MYT1L: variants seen among roughly 807,000 people sequenced by gnomAD.
The protein encoded by MYT1L is myelin transcription factor 1-like protein.
A neutral mutation model predicts 126.7 loss-of-function variants in MYT1L; 12 were observed. The ratio of observed to expected loss-of-function variants is 0.09; its 90% CI spans 0.06 to 0.15. The LOEUF (loss-of-function observed/expected upper bound fraction) is 0.15. MYT1L is among the 10% of genes least tolerant of loss of function. MYT1L has a pLI of 1.00. For missense variants in MYT1L, 979 were observed against 1,585.2 expected (o/e 0.62, Z 6.49); for synonymous variants, 541 against 604.2 (o/e 0.90, Z 1.53).
chr2:2,259,699 A>C (rs1482275613), intron 2 of MYT1L, among the ~76,000 whole-genome samples: 1 of 152,090 alleles, frequency 6.6e-6, no homozygotes, highest in Non-Finnish European at 1.5e-5. Flanking sequence ...GATCCATTCC[A>C]GGGAGTGCTA....
At chr2:2,026,160 C>T (rs1002640751) in intron 4 of MYT1L, among the ~76,000 whole-genome samples, 5 of 152,158 alleles carry the variant, frequency 3.3e-5, no homozygotes, top group African/African-American at 1.2e-4. Context: ...TGTTACTGTC[C>T]CCATTAAACA....
intron 3 of MYT1L, among the ~76,000 whole-genome samples, chr2:2,098,367 T>C (rs2077682760): frequency 6.6e-6 from 1 of 152,244 alleles, no homozygotes; most frequent in South Asian, 2.1e-4. Context: ...TAAACCCAAG[T>C]ACCACCTGTC....
chr2:2,301,796 C>T (rs904010477), intron 1 of MYT1L, among the ~76,000 whole-genome samples: 2 of 147,268 alleles, frequency 1.4e-5, no homozygotes, highest in African/African-American at 5.1e-5. Context: ...CACTGCATTC[C>T]AGCCTGAGCA....
chr2:2,275,598 A>G (rs1351951696), intron 2 of MYT1L, among the ~76,000 whole-genome samples: 1 of 152,130 alleles, frequency 6.6e-6, no homozygotes, highest in Admixed American at 6.5e-5. Context: ...TCCTGCCCTA[A>G]GTTGCCTCTT....
chr2:1,853,468 A>G (rs1359415981), intron 18 of MYT1L, among the ~76,000 whole-genome samples: 1 of 152,064 alleles, frequency 6.6e-6, no homozygotes, highest in Non-Finnish European at 1.5e-5. Flanking sequence ...TAAAAAATAA[A>G]TGACTGAACT....
At chr2:2,105,297 C>T (rs559101353) in intron 3 of MYT1L, among the ~76,000 whole-genome samples, 1 of 152,220 alleles carries the variant, frequency 6.6e-6, no homozygotes, top group East Asian at 1.9e-4. Context: ...TACTACAGAC[C>T]AGGGAATCAG....
At chr2:2,277,870 GA>G (rs141462376) in intron 2 of MYT1L, among the ~76,000 whole-genome samples, 8 of 151,860 alleles carry the variant, frequency 5.3e-5, no homozygotes, top group African/African-American at 1.7e-4. Context: ...TTAATTTGAA[GA>G]AAAAAAACTA....
chr2:2,056,317 T>C (rs989816938), intron 3 of MYT1L, among the ~76,000 whole-genome samples: 2 of 152,152 alleles, frequency 1.3e-5, no homozygotes, highest in Non-Finnish European at 2.9e-5. Flanking sequence ...AGAACCCCTC[T>C]TGGAGGAAGG....
intron 9 of MYT1L, among the ~76,000 whole-genome samples, chr2:1,932,484 C>A (rs939727385): frequency 6.6e-6 from 1 of 152,184 alleles, no homozygotes; most frequent in Admixed American, 6.5e-5. Flanking sequence ...TTTATTGTCA[C>A]ACTTAGAGAT....
intron 4 of MYT1L, among the ~76,000 whole-genome samples, chr2:2,001,323 A>G: frequency 6.7e-6 from 1 of 148,690 alleles, no homozygotes; most frequent in Non-Finnish European, 1.5e-5. Context: ...GACTTCCTCA[A>G]TTGCACTTTA....
intron 15 of MYT1L, 57 bp downstream of exon 15, chr2:1,891,980 T>TC: frequency 6.9e-7 from 1 of 1,450,476 alleles, no homozygotes; most frequent in Middle Eastern, 2.3e-4. Context: ...GGTGGCTGGG[T>TC]CCGCGGCCCG....
chr2:1,966,374 A>C (rs995013014), intron 8 of MYT1L, among the ~76,000 whole-genome samples: 1 of 152,256 alleles, frequency 6.6e-6, no homozygotes, highest in African/African-American at 2.4e-5. Context: ...GTTTTGAATA[A>C]GAAGGAAGCA....
intron 3 of MYT1L, among the ~76,000 whole-genome samples, chr2:2,124,498 G>A (rs2147936952): frequency 6.6e-6 from 1 of 152,248 alleles, no homozygotes; most frequent in East Asian, 1.9e-4. Flanking sequence ...GTTTCACCAT[G>A]TTGCCCAGGC....
chr2:1,953,969 GA>G (rs1200010623), intron 8 of MYT1L, among the ~76,000 whole-genome samples: 1 of 152,182 alleles, frequency 6.6e-6, no homozygotes, highest in African/African-American at 2.4e-5. Flanking sequence ...CCATTTTAGT[GA>G]AAAACCTGAG....
chr2:2,021,441 C>A (rs528220591), intron 4 of MYT1L, among the ~76,000 whole-genome samples: 2 of 152,082 alleles, frequency 1.3e-5, no homozygotes, highest in African/African-American at 4.8e-5. Flanking sequence ...CCCTCTGGGG[C>A]CTAGTCCTTT....
At chr2:1,939,613 CA>C (rs2056406616) in intron 9 of MYT1L, among the ~76,000 whole-genome samples, 1 of 152,230 alleles carries the variant, frequency 6.6e-6, no homozygotes, top group African/African-American at 2.4e-5. Context: ...TGAGAACATT[CA>C]AACAGGAGAT....
chr2:1,926,551 T>C (rs2054254493), intron 9 of MYT1L, among the ~76,000 whole-genome samples: 1 of 152,216 alleles, frequency 6.6e-6, no homozygotes, highest in African/African-American at 2.4e-5. Flanking sequence ...GAGGCCATTT[T>C]ACTAGGTTTT....
intron 2 of MYT1L, among the ~76,000 whole-genome samples, chr2:2,240,790 C>A (rs2094424459): frequency 6.6e-6 from 1 of 152,204 alleles, no homozygotes; most frequent in South Asian, 2.1e-4. Flanking sequence ...CGCGTGCCAG[C>A]GGCCTTAGTT....
In MYT1L at chr2:1,902,811, C is replaced by A. The variant is rs534518857; in HGVS notation, c.2032+269G>T. On this transcript the variant is annotated intron_variant, in intron 14 of 24. Coordinates refer to ENST00000647738, the MANE Select transcript of MYT1L (RefSeq NM_001303052.2). The stretch of plus-strand genomic sequence containing the variant: ...GACAATAAGCCAGTCCATAGCTTCT[C>A]CCTCTCCACATTCCACGAGCAGCCG... The A allele has an allele frequency of 1.1e-5, 5 of 466,364 alleles. No homozygotes were observed. The East Asian group carries it at 1.7e-4, about 15-fold the overall frequency. 28.9% of individuals were successfully genotyped at this position (466,364 alleles called of 1,614,324 possible). A position where few individuals can be genotyped will look rare whatever the true frequency, so the allele number is the denominator to read the frequency against.
Sources: gnomAD v4.1 joint callset for allele counts (sites outside exome capture counted in the v4.1 genomes callset) on GRCh38, gnomAD v4.1.1 for gene constraint, MANE v1.5 for transcripts, NCBI Gene and HGNC (gene_info 2026-07-23, HGNC 2026-07-21) for gene names.